The following PXDN variants were observed in gnomAD, a reference collection of about 807,000 sequenced individuals.
The protein encoded by PXDN is peroxidasin, also known as peroxidasin homolog.
A neutral mutation model predicts 140.3 loss-of-function variants in PXDN; 77 were observed. The ratio of observed to expected loss-of-function variants is 0.55; its 90% CI spans 0.46 to 0.66. The LOEUF (loss-of-function observed/expected upper bound fraction) is 0.66, where lower values mean the gene tolerates loss of function less well. Ranked by LOEUF, PXDN falls within the 30% of genes least tolerant of loss-of-function variation. The pLI is 0.00. For synonymous variants in PXDN, 911 were observed against 857.4 expected (o/e 1.06, Z -1.09); for missense variants, 1,838 against 2,039.5 (o/e 0.90, Z 1.90).
intron 6 of PXDN, 54 bp from the exon 7 acceptor site, chr2:1,680,416 C>T (rs74811108): frequency 1.3e-6 from 2 of 1,596,574 alleles, no homozygotes; most frequent in African/African-American, 2.7e-5. Context: ...GCTTGTCCAT[C>T]CATCCATCAG....
Position 1,664,976 on chromosome 2 carries a change from T to C in PXDN, c.1390A>G (p.Ile464Val), listed in dbSNP as rs1683398578. The change falls in exon 11 of 23, where the codon ATC becomes GTC. Residue 464 changes from isoleucine (I) to valine (V), a missense_variant. By Grantham distance (29) the Ile-to-Val change is conservative. Around this residue, in one of 5 missense-constraint regions of PXDN, gnomAD observed 537 missense variants for 583.9 expected, o/e 0.92. Transcript: ENST00000252804. ...GTCTTACCTCCCTTGGTCCAGGCGA[T>C]GACGGGCGGCGGGTTGCCCTTGGCT... ...CEAKGNPPPV[I>V]AWTKGGSQLS... 1 of 1,611,246 alleles carries C rather than the reference T, an allele frequency of 6.2e-7. No individual in the cohort carries two copies. The highest frequency in any genetic ancestry group is 1.7e-5 in the Admixed American group (1 of 59,928).
intron 14 of PXDN, among the ~76,000 whole-genome samples, chr2:1,656,867 A>T (rs1435945436): frequency 1.5e-4 from 22 of 148,446 alleles, no homozygotes; most frequent in African/African-American, 5.5e-4. Context: ...CCCCCTCCTG[A>T]CTGAAACCTG....
At chr2:1,726,030 G>A (rs1262323271) in intron 1 of PXDN, among the ~76,000 whole-genome samples, 1 of 151,392 alleles carries the variant, frequency 6.6e-6, no homozygotes, top group Admixed American at 6.6e-5. Context: ...CCATTCCTCA[G>A]GGATCTAGAA....
At chr2:1,635,706 G>A (rs939414571) in intron 21 of PXDN, 185 bp from the exon 22 acceptor site, 11 of 606,690 alleles carry the variant, frequency 1.8e-5, no homozygotes, top group Admixed American at 4.9e-5. Flanking sequence ...CTGACCACAC[G>A]CCCCAATGGA....
intron 1 of PXDN, among the ~76,000 whole-genome samples, chr2:1,738,895 C>T (rs1012666962): frequency 6.6e-6 from 1 of 152,228 alleles, no homozygotes; most frequent in African/African-American, 2.4e-5. Context: ...GTCTGCCCTG[C>T]AGACTGGAAT....
intron 1 of PXDN, among the ~76,000 whole-genome samples, chr2:1,701,531 G>A (rs1397705181): frequency 1.3e-5 from 2 of 152,122 alleles, no homozygotes; most frequent in Non-Finnish European, 2.9e-5. Context: ...CACTGAGGTG[G>A]GAAACCTCAG....
In PXDN at chr2:1,651,472, G is replaced by T. The variant is rs1339847829; in HGVS notation, c.2105-1797C>A. Among the ~76,000 whole-genome samples, 1 of 152,156 alleles carries T rather than the reference G, an allele frequency of 6.6e-6. No homozygotes were observed. The highest frequency in any genetic ancestry group is 1.5e-5 in the Non-Finnish European group (1 of 68,032). On this transcript the variant is annotated intron_variant, in intron 16 of 22. Coordinates refer to ENST00000252804, the MANE Select transcript of PXDN (RefSeq NM_012293.3). This position sits in a 1 kb window ranked among gnomAD's most constrained non-coding sequence, Gnocchi z 4.4. ...ATCAAACCATGTTGCTTCTCTGCAG[G>T]AAACCCTAAGGTTCCCATTTCATAC...
intron 1 of PXDN, among the ~76,000 whole-genome samples, chr2:1,743,825 G>T (rs1458552559): frequency 7.0e-6 from 1 of 143,846 alleles, no homozygotes; most frequent in South Asian, 2.3e-4. Flanking sequence ...AGCGGAGGGG[G>T]ACCGAGGGGT....
At position 1,644,652 on chromosome 2, in the gene PXDN, T is replaced by G; in HGVS notation, c.3709A>C (p.Ser1237Arg). 6.2e-7 allele frequency: 1 copy of G among 1,608,598 alleles called. No individual in the cohort carries two copies. Among genetic ancestry groups the G allele is most frequent in the Non-Finnish European group, 8.5e-7 (1 of 1,176,424 alleles). ...TCTCGCAGGCGCTTGAACTGTGTGC[T>G]GAGAAGACACATCAGGGTGGGGCCC... ...RLGPTLMCLL[S>R]TQFKRLRDGD... The change falls in exon 18 of 23, where the codon AGC (serine) becomes CGC (arginine). Residue 1237 changes from serine to arginine, a missense_variant. Physicochemically the swap from Ser to Arg is moderately radical, Grantham distance 110. Coordinates refer to ENST00000252804, the MANE Select transcript of PXDN (RefSeq NM_012293.3).
chr2:1,648,076 A>T lies in PXDN; in HGVS notation c.3608+96T>A, dbSNP rs1190414411. Reference sequence around the variant, plus strand: ...ATCTCACCTCTGCACGACACGAACAAAACTCACACACAGAGACAAATAACA... The same window carrying T: ...ATCTCACCTCTGCACGACACGAACATAACTCACACACAGAGACAAATAACA... On this transcript the variant is annotated intron_variant, in intron 17 of 22. Coordinates refer to ENST00000252804, the MANE Select transcript of PXDN (RefSeq NM_012293.3). This position sits in a 1 kb window ranked among gnomAD's most constrained non-coding sequence, Gnocchi z 8.9. 6.8e-7 allele frequency: 1 copy of T among 1,480,466 alleles called. No individual in the cohort carries two copies. The highest frequency in any genetic ancestry group is 9.2e-7 in the Non-Finnish European group (1 of 1,089,678). The allele number at this position is 1,480,466 out of a possible 1,614,324, so 91.7% of individuals were successfully genotyped here.
chr2:1,661,377 T>A (rs1213924167), intron 13 of PXDN, among the ~76,000 whole-genome samples: 1 of 152,160 alleles, frequency 6.6e-6, no homozygotes, highest in Non-Finnish European at 1.5e-5. Flanking sequence ...GACCTAGGAA[T>A]GTCTCAGAAA....
At chr2:1,744,629 C>T (rs1685650433), upstream of PXDN, 1 of 559,856 alleles carries the variant, frequency 1.8e-6, no homozygotes, top group Non-Finnish European at 2.6e-6. Flanking sequence ...CGGGGCGGGG[C>T]GAGAACCCGG....
chr2:1,701,692 C>G (rs776720481), intron 1 of PXDN, among the ~76,000 whole-genome samples: 25 of 152,248 alleles, frequency 1.6e-4, no homozygotes, highest in Admixed American at 3.9e-4. Flanking sequence ...CCTGAGCCCC[C>G]ACGGCTGCAG....
At chr2:1,730,919 A>G (rs1478051615) in intron 1 of PXDN, among the ~76,000 whole-genome samples, 1 of 152,160 alleles carries the variant, frequency 6.6e-6, no homozygotes, top group Non-Finnish European at 1.5e-5. Flanking sequence ...TAATCCCCAA[A>G]TGATAACAAA....
chr2:1,632,750 G>C lies in PXDN; in HGVS notation c.*1454C>G, dbSNP rs1270153588. 6.6e-6 allele frequency: 1 copy of C among 152,144 alleles called. No individual in the cohort carries two copies. Among genetic ancestry groups the C allele is most frequent in the Non-Finnish European group, 1.5e-5 (1 of 68,090 alleles). The allele number at this position is 152,144 out of a possible 1,614,324, so 9.4% of individuals were successfully genotyped here. A position where few individuals can be genotyped will look rare whatever the true frequency, so the allele number is the denominator to read the frequency against. The stretch of plus-strand genomic sequence containing the variant: ...GCCTCCCCCACCCCATGGAAGCCTC[G>C]ACGCCATACCCCAGTGCTGGACACC... On this transcript the variant is annotated 3_prime_UTR_variant, in exon 23 of 23. Transcript: ENST00000252804. The surrounding 1 kb of genome is among the most constrained non-coding windows in gnomAD (Gnocchi z 4.3).
Position 1,685,172 on chromosome 2 carries a change from A to G in PXDN, c.417-1021T>C, listed in dbSNP as rs541591229. Among the ~76,000 whole-genome samples, 20 of 152,338 alleles carry G rather than the reference A, an allele frequency of 1.3e-4. No homozygotes were observed. Among genetic ancestry groups the G allele is most frequent in the Admixed American group, 7.8e-4 (12 of 15,310 alleles). ...CCAGCTCCCCAGGCAGCACCCACAC[A>G]GGCCACACTGAGTCTCTGCGGACAC... On this transcript the variant is annotated intron_variant, in intron 4 of 22. Coordinates refer to ENST00000252804, the MANE Select transcript of PXDN (RefSeq NM_012293.3). The surrounding 1 kb of genome is among the most constrained non-coding windows in gnomAD (Gnocchi z 5.1).
At position 1,648,298 on chromosome 2, in the gene PXDN, C is replaced by T. The variant is rs1396580675; in HGVS notation, c.3482G>A (p.Arg1161Gln). 3 of 1,613,786 alleles carry T rather than the reference C, an allele frequency of 1.9e-6. No homozygotes were observed. The highest frequency in any genetic ancestry group is 2.5e-6 in the Non-Finnish European group (3 of 1,179,880). ...GGGTGGGATCCCGTGGTCCCGGCCC[C>T]GCTGGATGTTGATGGCCGCCAGGTC... ...ALDLAAINIQRGRDHGIPPYH... is the reference protein window; with the variant it reads ...ALDLAAINIQQGRDHGIPPYH... Residue 1161 changes from arginine (R) to glutamine (Q), a missense_variant, in exon 17 of 23, where the codon CGG becomes CAG. Around this residue, in one of 5 missense-constraint regions of PXDN, gnomAD observed 850 missense variants for 894.1 expected, o/e 0.95. Transcript: ENST00000252804. This position sits in a 1 kb window ranked among gnomAD's most constrained non-coding sequence, Gnocchi z 8.9.
intron 1 of PXDN, among the ~76,000 whole-genome samples, chr2:1,733,303 C>T (rs1273238873): frequency 1.3e-5 from 2 of 152,058 alleles, no homozygotes; most frequent in African/African-American, 2.4e-5. Flanking sequence ...GAGAAAACCA[C>T]ACCAAGGCAT....
At chr2:1,707,953 G>A (rs945493731) in intron 1 of PXDN, among the ~76,000 whole-genome samples, 2 of 151,982 alleles carry the variant, frequency 1.3e-5, no homozygotes, top group Admixed American at 6.5e-5. Context: ...TACACAAAGC[G>A]AGAGAACGGA....
Sources: gnomAD v4.1 joint callset for allele counts (sites outside exome capture counted in the v4.1 genomes callset) on GRCh38, gnomAD v4.1.1 for gene constraint, gnomAD v4.1.1 regional missense constraint, Gnocchi (gnomAD v3.1) non-coding constraint, MANE v1.5 for transcripts, NCBI Gene and HGNC (gene_info 2026-07-23, HGNC 2026-07-21) for gene names.